The following MTCH1 variants were observed in gnomAD, a reference collection of about 807,000 sequenced individuals.
MTCH1 encodes mitochondrial carrier 1.
A neutral mutation model predicts 49.3 loss-of-function variants in MTCH1; 23 were observed. The observed-to-expected ratio is 0.47, with a 90% CI of 0.34 to 0.66. The LOEUF is 0.66. Ranked by LOEUF, MTCH1 falls within the 30% of genes least tolerant of loss-of-function variation. MTCH1 has a pLI of 0.01. For synonymous variants in MTCH1, 229 were observed against 215.2 expected (o/e 1.06, Z -0.56); for missense variants, 397 against 532.1 (o/e 0.75, Z 2.50).
chr6:36,981,729 C>A (rs1025096315), intron 1 of MTCH1, 57 bp from the exon 2 acceptor site: 2 of 1,452,740 alleles, frequency 1.4e-6, no homozygotes, highest in African/African-American at 2.8e-5. Flanking sequence ...TTCAGCCTCA[C>A]CACCTCTCCT....
intron 2 of MTCH1, among the ~76,000 whole-genome samples, chr6:36,979,546 T>C (rs1287283166): frequency 6.6e-6 from 1 of 152,206 alleles, no homozygotes; most frequent in African/African-American, 2.4e-5. Flanking sequence ...CCTCCGCAGA[T>C]GTCTGCCAGC....
chr6:36,973,121 C>T (rs964766735), intron 7 of MTCH1, among the ~76,000 whole-genome samples: 3 of 152,108 alleles, frequency 2.0e-5, no homozygotes, highest in Admixed American at 1.3e-4. Context: ...ATAAGAGTGC[C>T]GACGTGTTGG....
chr6:36,975,547 A>G (rs1318136304), intron 7 of MTCH1, 111 bp downstream of exon 7: 3 of 1,020,944 alleles, frequency 2.9e-6, no homozygotes, highest in Admixed American at 3.6e-5. Flanking sequence ...AGGCTAGGGC[A>G]GGGCCATGTA....
At chr6:36,974,889 C>G (rs1284075241) in intron 7 of MTCH1, among the ~76,000 whole-genome samples, 4 of 152,150 alleles carry the variant, frequency 2.6e-5, no homozygotes, top group Admixed American at 6.5e-5. Flanking sequence ...TTGTGACATA[C>G]TTATCAGCAT....
chr6:36,978,407 G>T, intron 3 of MTCH1, 98 bp downstream of exon 3: 1 of 1,262,702 alleles, frequency 7.9e-7, no homozygotes, highest in South Asian at 1.3e-5. Flanking sequence ...CAATGGTCTG[G>T]GAAGGAGGAG....
In MTCH1 at chr6:36,977,265, G is replaced by A. The variant is rs1309507186; in HGVS notation, c.650-15C>T. 1.2e-6 allele frequency: 2 copies of A among 1,613,562 alleles called. No homozygotes were observed. Among genetic ancestry groups the A allele is most frequent in the East Asian group, 2.2e-5 (1 of 44,894 alleles). On this transcript the variant is annotated splice_polypyrimidine_tract_variant and intron_variant, in intron 5 of 11. Coordinates refer to ENST00000373627, the MANE Select transcript of MTCH1 (RefSeq NM_001271641.2). The surrounding 1 kb of genome is among the most constrained non-coding windows in gnomAD (Gnocchi z 5.4). The stretch of plus-strand genomic sequence containing the variant: ...CATTGAGATGACTGAGGAAAAAAAA[G>A]AAAACACACACAGGTGATGTGGTGG...
At chr6:36,986,197 C>A (rs1448886066), upstream of MTCH1, 5 of 1,414,352 alleles carry the variant, frequency 3.5e-6, no homozygotes, top group East Asian at 6.3e-5. Flanking sequence ...GAGGTCACTC[C>A]CCGTCACGTG....
intron 6 of MTCH1, chr6:36,976,430 G>A: frequency 4.7e-6 from 2 of 427,304 alleles, no homozygotes; most frequent in Non-Finnish European, 1.0e-5. Context: ...TCCCAGCCCT[G>A]CCAGGCCCGG....
At chr6:36,974,136 A>ATG (rs1188930851) in intron 7 of MTCH1, among the ~76,000 whole-genome samples, 1 of 152,098 alleles carries the variant, frequency 6.6e-6, no homozygotes, top group African/African-American at 2.4e-5. Flanking sequence ...ACATACATAT[A>ATG]TGTGTGTGTG....
At chr6:36,979,128 C>A (rs140472346) in intron 2 of MTCH1, among the ~76,000 whole-genome samples, 1 of 152,146 alleles carries the variant, frequency 6.6e-6, no homozygotes, top group Non-Finnish European at 1.5e-5. Context: ...GCCCCCTGCA[C>A]ATGCCACGGC....
chr6:36,974,705 A>G (rs748407), intron 7 of MTCH1, among the ~76,000 whole-genome samples: 36,238 of 152,090 alleles, frequency 0.24, 4,433 homozygotes, highest in South Asian at 0.34. Flanking sequence ...ATATATTTCT[A>G]TATCATATAC....
upstream of MTCH1, chr6:36,986,256 C>T: frequency 8.1e-7 from 1 of 1,237,986 alleles, no homozygotes; most frequent in East Asian, 3.3e-5. Flanking sequence ...CCGGGGCGCA[C>T]CACTCCAGGC....
chr6:36,968,740 A>C lies in MTCH1; in HGVS notation c.*163T>G, dbSNP rs376203471. The C allele has an allele frequency of 4.7e-4, 552 of 1,171,862 alleles. 9 individuals carry two copies. The South Asian group carries it at 6.8e-3, about 14-fold the overall frequency. The allele number at this position is 1,171,862 out of a possible 1,614,324, so 72.6% of individuals were successfully genotyped here. A position where few individuals can be genotyped will look rare whatever the true frequency, so the allele number is the denominator to read the frequency against. ...CTGGGTGCAGCCCCACCCCCGCTCA[A>C]CCCCACATCTGGACAGACACATGGC... On this transcript the variant is annotated 3_prime_UTR_variant, in exon 12 of 12. Coordinates refer to ENST00000373627, the MANE Select transcript of MTCH1 (RefSeq NM_001271641.2).
At chr6:36,986,500 A>G (rs903105375), upstream of MTCH1, among the ~76,000 whole-genome samples, 1 of 151,866 alleles carries the variant, frequency 6.6e-6, no homozygotes, top group East Asian at 1.9e-4. Flanking sequence ...CGTCCCCAAT[A>G]TGGTCTGAGG....
Position 36,970,689 on chromosome 6 carries a change from G to C in MTCH1, c.912C>G (p.Ser304Arg). The C allele has an allele frequency of 6.2e-7, 1 of 1,614,102 alleles. No individual in the cohort carries two copies. The highest frequency in any genetic ancestry group is 8.5e-7 in the Non-Finnish European group (1 of 1,180,000). ...TATAGCTCCGGATGGCCAGGGCCTG[G>C]CTGAACTGAGGAGACAGAAGGGAAG... Reference protein sequence around the residue: ...GNDQNPGSQFSQALAIRSYTK... With the variant: ...GNDQNPGSQFRQALAIRSYTK... The change falls in exon 9 of 12, where the codon AGC (serine) becomes AGG (arginine). Residue 304 changes from serine to arginine, a missense_variant. Physicochemically the swap from Ser to Arg is moderately radical, Grantham distance 110 (BLOSUM62 -1). Coordinates refer to ENST00000373627, the MANE Select transcript of MTCH1 (RefSeq NM_001271641.2).
chr6:36,968,772 G>C lies in MTCH1; in HGVS notation c.*131C>G. 1 of 1,389,600 alleles carries C rather than the reference G, an allele frequency of 7.2e-7. No homozygotes were observed. Among genetic ancestry groups the C allele is most frequent in the Non-Finnish European group, 1.0e-6 (1 of 997,860 alleles). 86.1% of individuals were successfully genotyped at this position (1,389,600 alleles called of 1,614,324 possible). The stretch of plus-strand genomic sequence containing the variant: ...ATCTGGACAGACACATGGCAAATAT[G>C]GAACTGAAGCCCGGCTGGGCTGGAG... On this transcript the variant is annotated 3_prime_UTR_variant, in exon 12 of 12. Transcript: ENST00000373627.
chr6:36,979,361 T>C (rs747430616), intron 2 of MTCH1, among the ~76,000 whole-genome samples: 3 of 152,248 alleles, frequency 2.0e-5, no homozygotes, highest in South Asian at 2.1e-4. Flanking sequence ...ATACGATTCA[T>C]TGTTTTCTAT....
At chr6:36,981,041 G>A (rs576720856) in intron 2 of MTCH1, among the ~76,000 whole-genome samples, 7 of 152,292 alleles carry the variant, frequency 4.6e-5, no homozygotes, top group African/African-American at 1.2e-4. Context: ...CCAAACTCAC[G>A]CAGCACACAG....
At chr6:36,970,218 C>T in intron 10 of MTCH1, 104 bp from the exon 11 acceptor site, 2 of 1,434,302 alleles carry the variant, frequency 1.4e-6, no homozygotes, top group Non-Finnish European at 1.9e-6. Context: ...CCATCCACAC[C>T]CTGACCCCTG....
Sources: gnomAD v4.1 joint callset for allele counts (sites outside exome capture counted in the v4.1 genomes callset) on GRCh38, gnomAD v4.1.1 for gene constraint, Gnocchi (gnomAD v3.1) non-coding constraint, MANE v1.5 for transcripts, NCBI Gene and HGNC (gene_info 2026-07-23, HGNC 2026-07-21) for gene names.